Variants in HAPLN1 observed in about 807,000 individuals in gnomAD.
HAPLN1 encodes the protein Cartilage link protein.
A neutral mutation model predicts 36.5 loss-of-function variants in HAPLN1; 13 were observed. That is an observed-to-expected ratio of 0.36 (90% CI 0.23 to 0.57). The LOEUF (loss-of-function observed/expected upper bound fraction) is 0.57, where lower values mean the gene tolerates loss of function less well. Among genes scored for constraint, HAPLN1 ranks in the 20% least tolerant of loss-of-function variants. The probability of loss-of-function intolerance (pLI) is 0.83; values close to 1 mark genes in which losing one functional copy is unlikely to be tolerated. For synonymous variants in HAPLN1, 202 were observed against 169.8 expected (o/e 1.19, Z -1.48); for missense variants, 407 against 439.7 (o/e 0.93, Z 0.66).
At chr5:83,693,114 A>T (rs1388551608) in intron 1 of HAPLN1, among the ~76,000 whole-genome samples, 1 of 151,880 alleles carries the variant, frequency 6.6e-6, no homozygotes, top group Non-Finnish European at 1.5e-5. Context: ...TACTGTCATA[A>T]AAGTTATATG....
intron 1 of HAPLN1, among the ~76,000 whole-genome samples, chr5:83,692,048 G>A (rs1751288166): frequency 6.6e-6 from 1 of 151,770 alleles, no homozygotes; most frequent in Non-Finnish European, 1.5e-5. Flanking sequence ...TAAAAGATGA[G>A]TGAAGTTGAA....
chr5:83,678,219 G>GT (rs60311631), intron 1 of HAPLN1, among the ~76,000 whole-genome samples: 65,802 of 135,526 alleles, frequency 0.49, 14,826 homozygotes, highest in Non-Finnish European at 0.54. Flanking sequence ...TCTATAGTTT[G>GT]GGTGTGTGTG....
chr5:83,666,497 C>T (rs190364340), intron 2 of HAPLN1, among the ~76,000 whole-genome samples: 2 of 151,980 alleles, frequency 1.3e-5, no homozygotes, highest in Non-Finnish European at 2.9e-5. Flanking sequence ...TTACTACCTG[C>T]AAAGATTATT....
rs991930108 is a variant in HAPLN1, at chr5:83,638,445, C to T, written c.*3051G>A. ...AGCTACGATACAGTTAACTTCTTAA[C>T]AAAACGATGTCAGTTATCCGTTGAT... On this transcript the variant is annotated 3_prime_UTR_variant, in exon 5 of 5. Coordinates refer to ENST00000274341, the MANE Select transcript of HAPLN1 (RefSeq NM_001884.4). The T allele has an allele frequency of 3.3e-5, 5 of 152,028 alleles. No homozygotes were observed. The highest frequency in any genetic ancestry group is 1.2e-4 in the African/African-American group (5 of 41,426). 9.4% of individuals were successfully genotyped at this position (152,028 alleles called of 1,614,324 possible).
At chr5:83,675,134 C>T (rs1580142066) in intron 1 of HAPLN1, among the ~76,000 whole-genome samples, 1 of 152,096 alleles carries the variant, frequency 6.6e-6, no homozygotes, top group Admixed American at 6.6e-5. Flanking sequence ...TTTGTAGTCA[C>T]TAACTTTTGT....
In HAPLN1 at chr5:83,641,454, T is replaced by C. The variant is rs746499478; in HGVS notation, c.*42A>G. ...TTGGAAAAAAAAAACACCTTTCACATGTTCTTAATGACTTTAAAACTGATG... is the reference window on the plus strand; with the variant it reads ...TTGGAAAAAAAAAACACCTTTCACACGTTCTTAATGACTTTAAAACTGATG... On this transcript the variant is annotated 3_prime_UTR_variant, in exon 5 of 5. Transcript: ENST00000274341. The C allele has an allele frequency of 6.6e-7, 1 of 1,511,418 alleles. No homozygotes were observed. 93.6% of individuals were successfully genotyped at this position (1,511,418 alleles called of 1,614,324 possible).
chr5:83,663,094 C>T (rs1054627644), intron 2 of HAPLN1, among the ~76,000 whole-genome samples: 1 of 152,114 alleles, frequency 6.6e-6, no homozygotes, highest in Admixed American at 6.5e-5. Flanking sequence ...AGCACCTGGA[C>T]ATGATGAGGA....
chr5:83,688,632 G>A (rs1465271523), intron 1 of HAPLN1, among the ~76,000 whole-genome samples: 1 of 123,804 alleles, frequency 8.1e-6, no homozygotes, highest in Non-Finnish European at 1.7e-5. Flanking sequence ...GCCAAATGCA[G>A]CTTTTGATTC....
chr5:83,657,914 T>C (rs901940759), intron 2 of HAPLN1, among the ~76,000 whole-genome samples: 2 of 152,238 alleles, frequency 1.3e-5, no homozygotes, highest in African/African-American at 2.4e-5. Context: ...ATTTTGTCCA[T>C]TGTGGTAAAA....
At chr5:83,717,810 T>C (rs1181712524) in intron 1 of HAPLN1, among the ~76,000 whole-genome samples, 1 of 152,222 alleles carries the variant, frequency 6.6e-6, no homozygotes, top group African/African-American at 2.4e-5. Flanking sequence ...TAGATGAAGT[T>C]GTTTTACATG....
At chr5:83,715,278 T>C (rs1751892717) in intron 1 of HAPLN1, among the ~76,000 whole-genome samples, 3 of 152,182 alleles carry the variant, frequency 2.0e-5, no homozygotes, top group African/African-American at 7.2e-5. Flanking sequence ...AATGCATGAG[T>C]GAACCTCATT....
chr5:83,670,174 AG>A (rs1441135048), intron 2 of HAPLN1, among the ~76,000 whole-genome samples: 1 of 152,198 alleles, frequency 6.6e-6, no homozygotes, highest in Admixed American at 6.5e-5. Flanking sequence ...GCTACACAAA[AG>A]TTTTTGGACC....
chr5:83,638,166 A>C lies in HAPLN1; in HGVS notation c.*3330T>G, dbSNP rs2112541377. ...AGTTTGACACAAAGAAAAATAGCTA[A>C]GATTCTACAACTCAGAAGAATTAAA... is the stretch of plus-strand genomic sequence containing the variant. On this transcript the variant is annotated 3_prime_UTR_variant, in exon 5 of 5. Transcript: ENST00000274341. 6.6e-6 allele frequency: 1 copy of C among 152,180 alleles called. No individual in the cohort carries two copies. Among genetic ancestry groups the C allele is most frequent in the South Asian group, 2.1e-4 (1 of 4,828 alleles). 9.4% of individuals were successfully genotyped at this position (152,180 alleles called of 1,614,324 possible).
chr5:83,685,940 A>G (rs564724511), intron 1 of HAPLN1: 1 of 152,276 alleles, frequency 6.6e-6, no homozygotes, highest in African/African-American at 2.4e-5. Context: ...GGCCAAGAGC[A>G]TATGACTATC....
intron 1 of HAPLN1, among the ~76,000 whole-genome samples, chr5:83,678,524 C>T (rs527532368): frequency 2.0e-5 from 3 of 152,198 alleles, no homozygotes; most frequent in East Asian, 3.9e-4. Flanking sequence ...ATTTTACTGA[C>T]GGTCTAGGAA....
At chr5:83,684,993 T>A (rs571226801) in intron 1 of HAPLN1, among the ~76,000 whole-genome samples, 1 of 152,280 alleles carries the variant, frequency 6.6e-6, no homozygotes, top group East Asian at 1.9e-4. Context: ...CAAAATACAA[T>A]GGGTTAGCCT....
At chr5:83,697,289 T>C (rs1031700851) in intron 1 of HAPLN1, among the ~76,000 whole-genome samples, 8 of 152,178 alleles carry the variant, frequency 5.3e-5, no homozygotes, top group African/African-American at 1.7e-4. Context: ...TTGAATCATA[T>C]AATTTGTGGT....
At chr5:83,647,666 A>G (rs1399984312) in intron 3 of HAPLN1, among the ~76,000 whole-genome samples, 1 of 152,244 alleles carries the variant, frequency 6.6e-6, no homozygotes, top group Non-Finnish European at 1.5e-5. Flanking sequence ...AAAATAAAAA[A>G]AAGTTAAACT....
chr5:83,693,333 C>T (rs1193754216), intron 1 of HAPLN1, among the ~76,000 whole-genome samples: 1 of 151,622 alleles, frequency 6.6e-6, no homozygotes, highest in East Asian at 1.9e-4. Context: ...TAAACAAAGA[C>T]TCATAACTAA....
Sources: gnomAD v4.1 joint callset for allele counts (sites outside exome capture counted in the v4.1 genomes callset) on GRCh38, gnomAD v4.1.1 for gene constraint, MANE v1.5 for transcripts, NCBI Gene and HGNC (gene_info 2026-07-23, HGNC 2026-07-21) for gene names.